DLC1: variants seen among roughly 807,000 people sequenced by gnomAD.
The protein encoded by DLC1 is DLC1 Rho GTPase activating protein, also known as rho GTPase-activating protein 7.
A neutral mutation model predicts 140.3 loss-of-function variants in DLC1; 54 were observed. The observed-to-expected ratio is 0.38, with a 90% CI of 0.31 to 0.48. DLC1 has a LOEUF of 0.48. Among genes scored for constraint, DLC1 ranks in the 20% least tolerant of loss-of-function variants. The pLI is 0.96. For missense variants in DLC1, 2,536 were observed against 1,907.0 expected, an observed-to-expected ratio of 1.33 and a Z score of -6.14; for synonymous variants, 986 against 728.1, an observed-to-expected ratio of 1.35 and a Z score of -5.70.
intron 2 of DLC1, among the ~76,000 whole-genome samples, chr8:13,471,321 A>G (rs1205103043): frequency 1.3e-5 from 2 of 152,046 alleles, no homozygotes; most frequent in Non-Finnish European, 2.9e-5. Flanking sequence ...AAAAAAAAAA[A>G]GAGAAAATGG....
intron 1 of DLC1, among the ~76,000 whole-genome samples, chr8:13,544,006 CA>C (rs1039400868): frequency 6.6e-6 from 1 of 151,176 alleles, no homozygotes; most frequent in African/African-American, 2.4e-5. Context: ...CAAAAAAATA[CA>C]AAAATTTAAA....
intron 1 of DLC1, among the ~76,000 whole-genome samples, chr8:13,526,168 A>C (rs73210032): frequency 0.14 from 21,128 of 152,116 alleles, 2,131 homozygotes; most frequent in East Asian, 0.38. Context: ...CCATTCTCTT[A>C]ATCTATTTTT....
chr8:13,438,159 A>T (rs1839206085), intron 2 of DLC1, among the ~76,000 whole-genome samples: 2 of 152,130 alleles, frequency 1.3e-5, no homozygotes, highest in Admixed American at 6.5e-5. Context: ...TTAAACAAAC[A>T]ATCCATCAAC....
At chr8:13,542,695 G>GGCCTTAC (rs902707269) in intron 1 of DLC1, among the ~76,000 whole-genome samples, 1 of 151,918 alleles carries the variant, frequency 6.6e-6, no homozygotes, top group African/African-American at 2.4e-5. Flanking sequence ...TCAGTTTGTA[G>GGCCTTAC]GCCTTACATA....
chr8:13,411,105 C>A (rs1837761540), intron 2 of DLC1, among the ~76,000 whole-genome samples: 1 of 152,152 alleles, frequency 6.6e-6, no homozygotes. Context: ...TCCCCATAAA[C>A]ACCTGCATAC....
At chr8:13,358,725 A>G (rs1255353733) in intron 4 of DLC1, among the ~76,000 whole-genome samples, 2 of 152,086 alleles carry the variant, frequency 1.3e-5, no homozygotes, top group Admixed American at 6.5e-5. Context: ...AAGGAAATGG[A>G]AAAGAAGAGA....
chr8:13,159,411 G>A (rs1263485095), intron 5 of DLC1, among the ~76,000 whole-genome samples: 1 of 152,204 alleles, frequency 6.6e-6, no homozygotes, highest in Non-Finnish European at 1.5e-5. Flanking sequence ...CTTTATCAAA[G>A]GATCGGGAGA....
rs139315764 is a variant in DLC1, at chr8:13,124,477, A to T, written c.1349-8820T>A. On this transcript the variant is annotated intron_variant, in intron 5 of 17. Coordinates refer to ENST00000276297, the MANE Select transcript of DLC1 (RefSeq NM_182643.3). ...CAGAAAGGAAGTTATCTCATGGATC[A>T]GATGGAAGCACCTTCTGAGCCTGGT... Among the ~76,000 whole-genome samples, 53 of 152,356 alleles carry T rather than the reference A, an allele frequency of 3.5e-4. 1 individual carries two copies. Among genetic ancestry groups the T allele is most frequent in the African/African-American group, 1.2e-3 (51 of 41,582 alleles).
chr8:13,416,546 T>G (rs565635376), intron 2 of DLC1, among the ~76,000 whole-genome samples: 2 of 152,232 alleles, frequency 1.3e-5, no homozygotes, highest in East Asian at 3.9e-4. Flanking sequence ...AGCAGAGAGA[T>G]TCCCACCTAT....
Position 13,401,508 on chromosome 8 carries a change from G to T in DLC1, c.1135C>A (p.Pro379Thr), listed in dbSNP as rs1346751926. The change falls in exon 3 of 18, where the codon CCA becomes ACA. Residue 379 changes from proline (P) to threonine (T), a missense_variant. By Grantham distance (38) the Pro-to-Thr change is conservative. Coordinates refer to ENST00000276297, the MANE Select transcript of DLC1 (RefSeq NM_182643.3). The stretch of plus-strand genomic sequence containing the variant: ...CGCAGGTTTGTTGGTGTGCCTGATG[G>T]AGAGGAGCTGGTGCTGAGGGCATTT... The part of the protein sequence containing the change: ...IENALSTSSS[P>T]SGTPTNLRRH... 1.2e-6 allele frequency: 2 copies of T among 1,612,924 alleles called. No homozygotes were observed. The highest frequency in any genetic ancestry group is 1.7e-6 in the Non-Finnish European group (2 of 1,180,012).
intron 5 of DLC1, among the ~76,000 whole-genome samples, chr8:13,300,101 C>G (rs1365546430): frequency 6.6e-6 from 1 of 151,860 alleles, no homozygotes; most frequent in Non-Finnish European, 1.5e-5. Context: ...ACAACGCAGC[C>G]AAAAAAAGGA....
At chr8:13,094,665 C>CA (rs5889417) in intron 12 of DLC1, 94 bp downstream of exon 12, 925 of 1,184,338 alleles carry the variant, frequency 7.8e-4, no homozygotes, top group African/African-American at 1.8e-3. Flanking sequence ...GACTCCATCT[C>CA]AAAAAAAAAA....
chr8:13,506,581 G>GTGTGTGTGTATATATA (rs1246764417), intron 1 of DLC1, among the ~76,000 whole-genome samples: 49 of 131,126 alleles, frequency 3.7e-4, no homozygotes, highest in African/African-American at 1.5e-3. Flanking sequence ...GTGTGTGTGT[G>GTGTGTGTGTATATATA]TATATATATA....
At chr8:13,335,209 AT>A (rs1833771269) in intron 4 of DLC1, among the ~76,000 whole-genome samples, 2 of 152,230 alleles carry the variant, frequency 1.3e-5, no homozygotes, top group Admixed American at 1.3e-4. Context: ...GTCTGCCACA[AT>A]TTAGAAGCCT....
chr8:13,253,716 G>T (rs2014806099), intron 5 of DLC1, among the ~76,000 whole-genome samples: 1 of 152,174 alleles, frequency 6.6e-6, no homozygotes, highest in Admixed American at 6.5e-5. Flanking sequence ...TGCACATCCT[G>T]TGATGGCTGG....
intron 5 of DLC1, among the ~76,000 whole-genome samples, chr8:13,232,260 C>G (rs1829081088): frequency 6.6e-6 from 1 of 152,124 alleles, no homozygotes; most frequent in Non-Finnish European, 1.5e-5. Context: ...TTTTCTTCCT[C>G]CACAGTCGCT....
At chr8:13,455,130 A>G (rs994193573) in intron 2 of DLC1, among the ~76,000 whole-genome samples, 16 of 152,330 alleles carry the variant, frequency 1.1e-4, no homozygotes, top group South Asian at 8.3e-4. Flanking sequence ...TTTTCATATA[A>G]ATCAAACAAA....
At position 13,543,256 on chromosome 8, in the gene DLC1, T is replaced by C. The variant is rs146533221; in HGVS notation, c.-125-43060A>G. 2.0e-5 allele frequency among the ~76,000 whole-genome samples: 3 copies of C among 152,314 alleles called. No individual in the cohort carries two copies. The East Asian group carries it at 5.8e-4, about 29-fold the overall frequency. On this transcript the variant is annotated intron_variant, in intron 1 of 1. Transcript: ENST00000631382. ...TTTTTTGTATTGTTAGCCATAAAAA[T>C]AATACAACTTTGTAGTCTTTCGTGA...
At chr8:13,556,126 C>T (rs887224391) in intron 1 of DLC1, among the ~76,000 whole-genome samples, 2 of 152,118 alleles carry the variant, frequency 1.3e-5, no homozygotes, top group Non-Finnish European at 2.9e-5. Context: ...TCAACATGCA[C>T]AGCAATCAAT....
Sources: gnomAD v4.1 joint callset for allele counts (sites outside exome capture counted in the v4.1 genomes callset) on GRCh38, gnomAD v4.1.1 for gene constraint, MANE v1.5 for transcripts, NCBI Gene and HGNC (gene_info 2026-07-23, HGNC 2026-07-21) for gene names.